The following PRKN variants were observed in gnomAD, a reference collection of about 807,000 sequenced individuals.
PRKN encodes the protein E3 ubiquitin-protein ligase parkin.
Under a neutral mutation model 59.5 loss-of-function variants are expected in PRKN, and 56 were observed. That is an observed-to-expected ratio of 0.94 (90% CI 0.76 to 1.18). The LOEUF (loss-of-function observed/expected upper bound fraction) is 1.18, where lower values mean the gene tolerates loss of function less well. Ranked by LOEUF, PRKN falls within the 50% of genes most tolerant of loss-of-function variation. The pLI, the probability that PRKN is intolerant of heterozygous loss-of-function variation, is 0.00. For missense variants in PRKN, 657 were observed against 596.4 expected (o/e 1.10, Z -1.06); for synonymous variants, 250 against 222.1 (o/e 1.13, Z -1.12).
chr6:161,846,459 T>G (rs971405644), intron 6 of PRKN, among the ~76,000 whole-genome samples: 24 of 152,304 alleles, frequency 1.6e-4, no homozygotes, highest in Non-Finnish European at 1.3e-4. Context: ...ATTCAACGCA[T>G]ATTTATTGAG....
intron 9 of PRKN, among the ~76,000 whole-genome samples, chr6:161,450,046 C>T (rs1487474015): frequency 6.6e-6 from 1 of 152,190 alleles, no homozygotes; most frequent in African/African-American, 2.4e-5. Flanking sequence ...TGGCTGCCTG[C>T]ATTATCCTCC....
chr6:162,317,267 C>T (rs563032139), intron 2 of PRKN, among the ~76,000 whole-genome samples: 2 of 152,112 alleles, frequency 1.3e-5, no homozygotes, highest in East Asian at 3.9e-4. Context: ...CATGGGGGCA[C>T]TTTCCCCGAT....
chr6:162,151,542 A>G (rs954360475), intron 4 of PRKN, among the ~76,000 whole-genome samples: 8 of 152,212 alleles, frequency 5.3e-5, no homozygotes, highest in Non-Finnish European at 8.8e-5. Flanking sequence ...CTCATGAGGA[A>G]ACTGAGCAGC....
Position 161,473,618 on chromosome 6 carries a change from T to A in PRKN, c.1083+75236A>T, listed in dbSNP as rs993548309. On this transcript the variant is annotated intron_variant, in intron 9 of 11. Coordinates refer to ENST00000366898, the MANE Select transcript of PRKN (RefSeq NM_004562.3). The surrounding 1 kb of genome is among the most constrained non-coding windows in gnomAD (Gnocchi z 4.1). The stretch of plus-strand genomic sequence containing the variant: ...AAATGGGGAGATATGGGTCAAAGCA[T>A]ACAAAGTTACAGGTAGGACAAATAT... Among the ~76,000 whole-genome samples, 1 of 151,780 alleles carries A rather than the reference T, an allele frequency of 6.6e-6. No homozygotes were observed. The highest frequency in any genetic ancestry group is 1.5e-5 in the Non-Finnish European group (1 of 67,978).
intron 2 of PRKN, among the ~76,000 whole-genome samples, chr6:162,279,120 C>G (rs1780765777): frequency 6.6e-6 from 1 of 151,960 alleles, no homozygotes; most frequent in Non-Finnish European, 1.5e-5. Context: ...CACTTGAGCT[C>G]AGGAGTTCAA....
intron 1 of PRKN, among the ~76,000 whole-genome samples, chr6:162,528,749 C>T (rs562557648): frequency 1.3e-5 from 2 of 152,184 alleles, no homozygotes; most frequent in South Asian, 4.1e-4. Flanking sequence ...ACTATGATCC[C>T]ACAGCGCCAC....
At chr6:162,604,650 A>G (rs1781838967) in intron 1 of PRKN, among the ~76,000 whole-genome samples, 1 of 151,330 alleles carries the variant, frequency 6.6e-6, no homozygotes, top group Admixed American at 6.6e-5. Flanking sequence ...CGTGTGTGAC[A>G]GACAAACAAT....
intron 4 of PRKN, among the ~76,000 whole-genome samples, chr6:162,183,598 T>C (rs1562564946): frequency 6.6e-6 from 1 of 152,186 alleles, no homozygotes. Context: ...TGCCAAAGTA[T>C]ACATCTTGGA....
At chr6:161,563,122 C>A (rs1294018381) in intron 8 of PRKN, among the ~76,000 whole-genome samples, 1 of 152,050 alleles carries the variant, frequency 6.6e-6, no homozygotes, top group East Asian at 1.9e-4. Context: ...AATGCTAGCT[C>A]CTTCAATAGC....
chr6:161,702,311 C>T (rs1435506815), intron 7 of PRKN, among the ~76,000 whole-genome samples: 2 of 152,136 alleles, frequency 1.3e-5, no homozygotes, highest in Non-Finnish European at 2.9e-5. Context: ...TGATGAATGA[C>T]TGGATCTGCA....
chr6:162,012,105 C>T (rs576715037), intron 5 of PRKN, among the ~76,000 whole-genome samples: 98 of 152,202 alleles, frequency 6.4e-4, no homozygotes, highest in Non-Finnish European at 1.3e-3. Flanking sequence ...CCTTTGATCA[C>T]GTCATCCTGC....
Position 161,581,076 on chromosome 6 carries a change from A to ACACAC in PRKN, c.872-11661_872-11660insGTGTG, listed in dbSNP as rs1554279310. Among the ~76,000 whole-genome samples, 2 of 151,102 alleles carry ACACAC rather than the reference A, an allele frequency of 1.3e-5. No homozygotes were observed. Among genetic ancestry groups the ACACAC allele is most frequent in the African/African-American group, 2.4e-5 (1 of 40,954 alleles). ...CACACACACACACACACACACACAC[A>ACACAC]AAATAGCCAGGCGTGGTGGCATGCC... On this transcript the variant is annotated intron_variant, in intron 7 of 11. Coordinates refer to ENST00000366898, the MANE Select transcript of PRKN (RefSeq NM_004562.3). The surrounding 1 kb of genome is among the most constrained non-coding windows in gnomAD (Gnocchi z 4.5).
chr6:161,412,399 C>T (rs1375891260), intron 9 of PRKN, among the ~76,000 whole-genome samples: 1 of 150,744 alleles, frequency 6.6e-6, no homozygotes, highest in African/African-American at 2.4e-5. Flanking sequence ...TCACTCCTTT[C>T]TCACGCATTC....
chr6:161,513,070 C>A (rs1778451968), intron 9 of PRKN, among the ~76,000 whole-genome samples: 1 of 152,296 alleles, frequency 6.6e-6, no homozygotes, highest in Middle Eastern at 3.4e-3. Context: ...AGGACCAGGA[C>A]AAGTTCCACT....
At chr6:161,649,071 G>A (rs1784060058) in intron 7 of PRKN, among the ~76,000 whole-genome samples, 1 of 152,150 alleles carries the variant, frequency 6.6e-6, no homozygotes, top group African/African-American at 2.4e-5. Flanking sequence ...TTATAACATA[G>A]TATCCTCACA....
rs1403527312 is a variant in PRKN, at chr6:161,487,735, G to C, written c.1083+61119C>G. Among the ~76,000 whole-genome samples, 1 of 152,128 alleles carries C rather than the reference G, an allele frequency of 6.6e-6. No homozygotes were observed. Among genetic ancestry groups the C allele is most frequent in the African/African-American group, 2.4e-5 (1 of 41,400 alleles). On this transcript the variant is annotated intron_variant, in intron 9 of 11. Coordinates refer to ENST00000366898, the MANE Select transcript of PRKN (RefSeq NM_004562.3). The surrounding 1 kb of genome is among the most constrained non-coding windows in gnomAD (Gnocchi z 5.3). ...TCAGAAAAAGCGCCTATGGAGGCTCGCGAATAGAGAGGCACCATGCTCATT... is the reference window on the plus strand; with the variant it reads ...TCAGAAAAAGCGCCTATGGAGGCTCCCGAATAGAGAGGCACCATGCTCATT...
At chr6:162,233,546 A>T (rs377150743) in intron 3 of PRKN, among the ~76,000 whole-genome samples, 1 of 152,228 alleles carries the variant, frequency 6.6e-6, no homozygotes, top group African/African-American at 2.4e-5. Context: ...CTGAGGAGAA[A>T]AAACCTCCTC....
chr6:162,380,312 A>G (rs899630054), intron 2 of PRKN, among the ~76,000 whole-genome samples: 10 of 151,366 alleles, frequency 6.6e-5, no homozygotes, highest in Non-Finnish European at 1.3e-4. Context: ...TTCTGAATAC[A>G]TGGGTGTTGG....
chr6:161,508,724 G>C (rs1030163103), intron 9 of PRKN, among the ~76,000 whole-genome samples: 1 of 151,964 alleles, frequency 6.6e-6, no homozygotes. Context: ...GTCACTCTCA[G>C]TTGAATCATT....
Sources: gnomAD v4.1 joint callset for allele counts (sites outside exome capture counted in the v4.1 genomes callset) on GRCh38, gnomAD v4.1.1 for gene constraint, Gnocchi (gnomAD v3.1) non-coding constraint, MANE v1.5 for transcripts, NCBI Gene and HGNC (gene_info 2026-07-23, HGNC 2026-07-21) for gene names.